The following AGGF1 variants were observed in gnomAD, a reference collection of about 807,000 sequenced individuals.
The protein encoded by AGGF1 is angiogenic factor with G patch and FHA domains 1.
AGGF1 carries 56 observed loss-of-function variants against 86.5 expected under a neutral mutation model. The observed-to-expected ratio is 0.65, with a 90% CI of 0.52 to 0.81. The LOEUF (loss-of-function observed/expected upper bound fraction) is 0.81, where lower values mean the gene tolerates loss of function less well. Among genes scored for constraint, AGGF1 ranks in the 30% least tolerant of loss-of-function variants. The pLI is 0.00. For synonymous variants in AGGF1, 313 were observed against 297.1 expected (o/e 1.05, Z -0.55); for missense variants, 816 against 850.9 (o/e 0.96, Z 0.51).
At chr5:77,053,205 A>G (rs1022979864) in intron 9 of AGGF1, among the ~76,000 whole-genome samples, 11 of 152,194 alleles carry the variant, frequency 7.2e-5, no homozygotes, top group African/African-American at 2.4e-4. Flanking sequence ...GCATGTAGCA[A>G]AGTATTTGGC....
intron 1 of AGGF1, among the ~76,000 whole-genome samples, chr5:77,033,012 A>T (rs1746900382): frequency 1.3e-5 from 2 of 152,230 alleles, no homozygotes; most frequent in African/African-American, 4.8e-5. Flanking sequence ...GCAGAAGCGA[A>T]CAGAAGGTAA....
rs377662022 is a variant in AGGF1 at position 77,049,989 on chromosome 5, A to G, written c.1365+1002A>G. Among the ~76,000 whole-genome samples, 148 of 151,280 alleles carry G rather than the reference A, an allele frequency of 9.8e-4. 1 individual carries two copies. Among genetic ancestry groups the G allele is most frequent in the African/African-American group, 3.4e-3 (141 of 41,230 alleles). On this transcript the variant is annotated intron_variant, in intron 8 of 13. Transcript: ENST00000312916. ...TTCCCATTTTGCTTTTATTTAACGG[A>G]CTGTAATGTGGACCTAAAGTAGATT...
chr5:77,059,878 G>C, intron 12 of AGGF1, 135 bp downstream of exon 12: 1 of 1,189,446 alleles, frequency 8.4e-7, no homozygotes, highest in South Asian at 1.3e-5. Context: ...GTCTTGCTCC[G>C]TCGCCCAGGC....
At chr5:77,043,828 T>G (rs1202004367) in intron 5 of AGGF1, among the ~76,000 whole-genome samples, 2 of 104,618 alleles carry the variant, frequency 1.9e-5, no homozygotes, top group Admixed American at 1.9e-4. Context: ...TCAGACGGGG[T>G]GGTTGCCAGG....
intron 13 of AGGF1, among the ~76,000 whole-genome samples, chr5:77,062,503 GA>G (rs1000934848): frequency 6.6e-6 from 1 of 152,026 alleles, no homozygotes; most frequent in Non-Finnish European, 1.5e-5. Context: ...GTTTTCTTAT[GA>G]AAAAATGGGG....
In AGGF1 at chr5:77,051,355, C is replaced by T. The variant is rs189953411; in HGVS notation, c.1366-1351C>T. On this transcript the variant is annotated intron_variant, in intron 8 of 13. Coordinates refer to ENST00000312916, the MANE Select transcript of AGGF1 (RefSeq NM_018046.5). ...GGCTGAGGCAGGAGAATGGCATGAA[C>T]CTGGGAGGTGGAGCTTGCAGTGAGC... is the stretch of plus-strand genomic sequence containing the variant. Among the ~76,000 whole-genome samples, 71 of 151,728 alleles carry T rather than the reference C, an allele frequency of 4.7e-4. 2 individuals are homozygous for T. The East Asian group carries it at 0.013, about 28-fold the overall frequency.
At chr5:77,035,810 G>A in intron 3 of AGGF1, 67 bp downstream of exon 3, 1 of 1,395,194 alleles carries the variant, frequency 7.2e-7, no homozygotes, top group Non-Finnish European at 1.0e-6. Flanking sequence ...GTTATTATGT[G>A]GAAAGATAGA....
chr5:77,048,877 A>T lies in AGGF1; in HGVS notation c.1314-59A>T. ...TTATCTGTTTTTTAAAATTCTTTCC[A>T]TGTCACTTTATATAATATGCTTCAA... On this transcript the variant is annotated intron_variant, in intron 7 of 13. Coordinates refer to ENST00000312916, the MANE Select transcript of AGGF1 (RefSeq NM_018046.5). The T allele has an allele frequency of 2.7e-6, 4 of 1,499,790 alleles. No homozygotes were observed. In the South Asian group the frequency reaches 4.5e-5, roughly 17 times the overall value. 92.9% of individuals were successfully genotyped at this position (1,499,790 alleles called of 1,614,324 possible). A position where few individuals can be genotyped will look rare whatever the true frequency, so the allele number is the denominator to read the frequency against.
chr5:77,038,392 G>T (rs1366386739), intron 4 of AGGF1, among the ~76,000 whole-genome samples: 4 of 152,074 alleles, frequency 2.6e-5, no homozygotes, highest in Non-Finnish European at 4.4e-5. Context: ...AGTACGTTCT[G>T]CAGGTTATAT....
intron 5 of AGGF1, among the ~76,000 whole-genome samples, chr5:77,043,176 C>G (rs1161226274): frequency 2.2e-3 from 85 of 39,366 alleles, no homozygotes; most frequent in Non-Finnish European, 2.5e-3. Context: ...GCTGGCCGGG[C>G]GGGGGGCTGA....
chr5:77,038,233 C>T (rs1490197853), intron 4 of AGGF1, among the ~76,000 whole-genome samples: 1 of 152,114 alleles, frequency 6.6e-6, no homozygotes, highest in African/African-American at 2.4e-5. Context: ...AATTAATAAC[C>T]AGGAAATTAA....
Position 77,061,805 on chromosome 5 carries a change from A to G in AGGF1, c.1944+3A>G. On this transcript the variant is annotated splice_donor_region_variant and intron_variant, in intron 13 of 13. Transcript: ENST00000312916. ...ATGGTGGAGGAATGAAAACGCCGGT[A>G]AGACTTGGATTTTCTTTTATTCATT... The G allele has an allele frequency of 1.2e-5, 19 of 1,608,662 alleles. No homozygotes were observed. The highest frequency in any genetic ancestry group is 1.5e-5 in the Non-Finnish European group (18 of 1,175,106).
chr5:77,059,842 A>G lies in AGGF1; in HGVS notation c.1844+99A>G, dbSNP rs1365754887. The G allele has an allele frequency of 8.8e-6, 13 of 1,485,196 alleles. No individual in the cohort carries two copies. In the African/African-American group the frequency reaches 1.3e-4, roughly 14 times the overall value. The allele number at this position is 1,485,196 out of a possible 1,614,324, so 92.0% of individuals were successfully genotyped here. On this transcript the variant is annotated intron_variant, in intron 12 of 13. Transcript: ENST00000312916. ...GGCTATATATCCTGATAGGTGGCCT[A>G]TTTATTTGTTTATTTATGAGATGGA...
chr5:77,044,957 C>T (rs1201330105), intron 5 of AGGF1, among the ~76,000 whole-genome samples: 6 of 151,360 alleles, frequency 4.0e-5, no homozygotes, highest in Admixed American at 3.3e-4. Context: ...CCCAGCTACT[C>T]GGGAGGCTGA....
chr5:77,035,601 C>A lies in AGGF1; in HGVS notation c.374C>A (p.Ser125Ter). 2 of 1,613,490 alleles carry A rather than the reference C, an allele frequency of 1.2e-6. No homozygotes were observed. Among genetic ancestry groups the A allele is most frequent in the South Asian group, 2.2e-5 (2 of 91,032 alleles). The change falls in exon 3 of 14, where the codon TCA becomes TAA. Residue 125 changes from serine (S) to a stop codon, truncating the protein, a stop_gained. Transcript: ENST00000312916. LOFTEE classifies it high-confidence loss of function. ...CTTCCAAATAAAGTGACTGAACTGT[C>A]AGATCAACAAGATCAAGCTATCGAA... Reference protein sequence around the residue: ...VSLPNKVTELSDQQDQAIETS... With the variant: ...VSLPNKVTEL
chr5:77,053,575 A>G (rs1747413534), intron 9 of AGGF1, among the ~76,000 whole-genome samples: 1 of 152,352 alleles, frequency 6.6e-6, no homozygotes, highest in East Asian at 1.9e-4. Context: ...AAGAGTAAAA[A>G]TGGAAATAAA....
intron 3 of AGGF1, chr5:77,035,995 G>T (rs763499218): frequency 2.4e-6 from 1 of 409,522 alleles, no homozygotes; most frequent in Non-Finnish European, 4.4e-6. Flanking sequence ...AACAAAATTT[G>T]TCCAGATATT....
intron 2 of AGGF1, 64 bp downstream of exon 2, chr5:77,034,584 T>C: frequency 8.9e-7 from 1 of 1,122,290 alleles, no homozygotes; most frequent in Non-Finnish European, 1.4e-6. Flanking sequence ...ATGTTGCGTT[T>C]TCTTTTAATT....
intron 5 of AGGF1, among the ~76,000 whole-genome samples, chr5:77,041,801 ATT>A (rs1167431245): frequency 0.16 from 20,594 of 129,894 alleles, 2,354 homozygotes; most frequent in Non-Finnish European, 0.21. Context: ...TTATTTATTT[ATT>A]TATTTATTTA....
Sources: allele counts gnomAD v4.1 joint callset (sites outside exome capture counted in the v4.1 genomes callset), GRCh38; gene constraint gnomAD v4.1.1; transcripts MANE v1.5; gene names NCBI Gene and HGNC (gene_info 2026-07-23, HGNC 2026-07-21).